The following ADK variants were observed in gnomAD, a reference collection of about 807,000 sequenced individuals.
ADK encodes N6,N6-dimethyladenosine kinase.
A neutral mutation model predicts 44.7 loss-of-function variants in ADK; 24 were observed. The ratio of observed to expected loss-of-function variants is 0.54; its 90% CI spans 0.39 to 0.76. The LOEUF (loss-of-function observed/expected upper bound fraction) is 0.76. Among genes scored for constraint, ADK ranks in the 30% least tolerant of loss-of-function variants. The probability of loss-of-function intolerance (pLI) is 0.00; values close to 1 mark genes in which losing one functional copy is unlikely to be tolerated. For synonymous variants in ADK, 128 were observed against 142.6 expected, an observed-to-expected ratio of 0.90 and a Z score of 0.73; for missense variants, 321 against 425.1, an observed-to-expected ratio of 0.76 and a Z score of 2.15.
Position 74,426,600 on chromosome 10 carries a change from G to A in ADK, c.555+28021G>A, listed in dbSNP as rs1844805381. ...ACAGTAAAATTAGTTACAAGAGGTA[G>A]AAGGGAGAGTGAGGTGGAAGGGATG... On this transcript the variant is annotated intron_variant, in intron 6 of 10. Coordinates refer to ENST00000539909, the MANE Select transcript of ADK (RefSeq NM_006721.4). Among the ~76,000 whole-genome samples the A allele has an allele frequency of 3.3e-5, 5 of 152,264 alleles. No individual in the cohort carries two copies. In the South Asian group the frequency reaches 1.0e-3, roughly 32 times the overall value.
chr10:74,613,203 C>A (rs575852314), intron 9 of ADK, among the ~76,000 whole-genome samples: 1 of 151,984 alleles, frequency 6.6e-6, no homozygotes, highest in Non-Finnish European at 1.5e-5. Context: ...TTTGAGAATG[C>A]GGGCAGTACA....
chr10:74,651,103 A>G (rs1369320831), intron 9 of ADK, among the ~76,000 whole-genome samples: 5 of 152,186 alleles, frequency 3.3e-5, no homozygotes, highest in Admixed American at 1.3e-4. Flanking sequence ...TGGTGGGGAA[A>G]TGGAGGCATC....
chr10:74,356,105 C>A (rs11001010), intron 4 of ADK, among the ~76,000 whole-genome samples: 24 of 143,232 alleles, frequency 1.7e-4, no homozygotes, highest in Admixed American at 1.3e-3. Context: ...TGCAAGCTCC[C>A]CTTCCCGGGT....
chr10:74,525,394 C>A lies in ADK; in HGVS notation c.694C>A (p.Pro232Thr). The A allele has an allele frequency of 6.2e-7, 1 of 1,613,280 alleles. No homozygotes were observed. Among genetic ancestry groups the A allele is most frequent in the South Asian group, 1.1e-5 (1 of 91,066 alleles). ...FYKESLMKVM[P>T]YVDILFGNET... ...CAAGGAATCATTGATGAAAGTTATG[C>A]CTTATGTTGATATACTTTTTGGAAA... is the stretch of plus-strand genomic sequence containing the variant. Residue 232 changes from proline to threonine, a missense_variant, in exon 7 of 11, where the codon CCT (proline) becomes ACT (threonine). Physicochemically the swap from Pro to Thr is conservative, Grantham distance 38. Transcript: ENST00000539909.
At chr10:74,232,287 G>T (rs1056700323) in intron 3 of ADK, among the ~76,000 whole-genome samples, 4 of 152,124 alleles carry the variant, frequency 2.6e-5, no homozygotes, top group Non-Finnish European at 5.9e-5. Flanking sequence ...GGGAGGCTGA[G>T]GCAGGTAGAT....
At chr10:74,160,690 G>GGTGTGTGTGTGTGT (rs779393232) in intron 1 of ADK, among the ~76,000 whole-genome samples, 48 of 136,312 alleles carry the variant, frequency 3.5e-4, no homozygotes, top group African/African-American at 1.3e-3. Context: ...TGCAGGTAGG[G>GGTGTGTGTGTGTGT]GTGTGTGTGT....
intron 3 of ADK, among the ~76,000 whole-genome samples, chr10:74,283,262 A>G (rs1461876891): frequency 6.6e-6 from 1 of 151,814 alleles, no homozygotes; most frequent in Admixed American, 6.6e-5. Flanking sequence ...ACTGTTTTTT[A>G]GGACTATGTT....
intron 2 of ADK, among the ~76,000 whole-genome samples, chr10:74,219,863 C>G (rs1844223465): frequency 6.6e-6 from 1 of 151,372 alleles, no homozygotes; most frequent in African/African-American, 2.4e-5. Flanking sequence ...GGGACACATT[C>G]AAAATAGTGT....
intron 1 of ADK, among the ~76,000 whole-genome samples, chr10:74,158,515 C>T (rs1035302725): frequency 1.3e-5 from 2 of 152,164 alleles, no homozygotes; most frequent in Admixed American, 6.5e-5. Context: ...ATTTATTTGT[C>T]TGACACAAAT....
At chr10:74,256,151 C>T (rs1020344157) in intron 3 of ADK, among the ~76,000 whole-genome samples, 1 of 152,140 alleles carries the variant, frequency 6.6e-6, no homozygotes, top group Admixed American at 6.6e-5. Flanking sequence ...GGAAAGCCTG[C>T]GTGCAGCATA....
chr10:74,326,017 G>A (rs901538517), intron 4 of ADK, among the ~76,000 whole-genome samples: 2 of 152,040 alleles, frequency 1.3e-5, no homozygotes, highest in African/African-American at 4.8e-5. Flanking sequence ...TGTATTTTTA[G>A]TAGAGAGGGG....
At chr10:74,632,727 A>G (rs1447396630) in intron 9 of ADK, among the ~76,000 whole-genome samples, 1 of 152,174 alleles carries the variant, frequency 6.6e-6, no homozygotes, top group Non-Finnish European at 1.5e-5. Flanking sequence ...GTCACATTCT[A>G]AGGTTCCAGA....
chr10:74,456,680 A>C lies in ADK; in HGVS notation c.555+58101A>C, dbSNP rs867873456. Among the ~76,000 whole-genome samples, 314 of 151,248 alleles carry C rather than the reference A, an allele frequency of 2.1e-3. 2 individuals are homozygous for C. The highest frequency in any genetic ancestry group is 7.1e-3 in the African/African-American group (292 of 41,350). The stretch of plus-strand genomic sequence containing the variant: ...AGACTCCATCTCAAAAAAAAAAAAA[A>C]AAAAAAAAAACCTCACTGAAAACCA... On this transcript the variant is annotated intron_variant, in intron 6 of 10. Transcript: ENST00000539909.
chr10:74,330,553 A>G (rs1324333857), intron 4 of ADK, among the ~76,000 whole-genome samples: 1 of 152,232 alleles, frequency 6.6e-6, no homozygotes, highest in Non-Finnish European at 1.5e-5. Flanking sequence ...AGTAGAATGT[A>G]TGTAATGATG....
rs1841769891 is a variant in ADK at position 74,157,193 on chromosome 10, G to A, written c.65+5850G>A. On this transcript the variant is annotated intron_variant, in intron 1 of 10. Coordinates refer to ENST00000539909, the MANE Select transcript of ADK (RefSeq NM_006721.4). ...TACAAGAGCACCAAGCTTGGAGGTC[G>A]TGGACTCTGGAAGAGGGGTGGCCTA... 2.6e-5 allele frequency among the ~76,000 whole-genome samples: 4 copies of A among 152,150 alleles called. 1 individual carries two copies. In the South Asian group the frequency reaches 8.3e-4, roughly 32 times the overall value.
intron 9 of ADK, among the ~76,000 whole-genome samples, chr10:74,660,988 T>C (rs746060417): frequency 2.0e-5 from 3 of 151,084 alleles, no homozygotes; most frequent in Non-Finnish European, 4.4e-5. Flanking sequence ...GCTGAGATTG[T>C]GTAACTGCAC....
At chr10:74,302,105 GTTTGTTTTTT>G (rs1840066281) in intron 3 of ADK, among the ~76,000 whole-genome samples, 34 of 88,906 alleles carry the variant, frequency 3.8e-4, no homozygotes, top group African/African-American at 1.2e-3. Context: ...TTTTTTGTTT[GTTTGTTTTTT>G]TTTTTTTTTT....
intron 4 of ADK, among the ~76,000 whole-genome samples, chr10:74,325,277 TG>T (rs1442085505): frequency 6.6e-6 from 1 of 152,230 alleles, no homozygotes; most frequent in Non-Finnish European, 1.5e-5. Context: ...ACTTGATTTT[TG>T]TTTTTTTCAG....
intron 4 of ADK, among the ~76,000 whole-genome samples, chr10:74,348,987 A>G (rs992135931): frequency 6.6e-6 from 1 of 152,112 alleles, no homozygotes; most frequent in Non-Finnish European, 1.5e-5. Context: ...TGGAAAACAC[A>G]CTTCAGGATA....
Sources: allele counts gnomAD v4.1 joint callset (sites outside exome capture counted in the v4.1 genomes callset), GRCh38; gene constraint gnomAD v4.1.1; transcripts MANE v1.5; gene names NCBI Gene and HGNC (gene_info 2026-07-23, HGNC 2026-07-21).